OR2AT4: variants seen among roughly 807,000 people sequenced by gnomAD.
The protein encoded by OR2AT4 is olfactory receptor 2AT4.
A neutral mutation model predicts 10.3 loss-of-function variants in OR2AT4; 6 were observed. That is an observed-to-expected ratio of 0.58 (90% CI 0.32 to 1.15). The LOEUF (loss-of-function observed/expected upper bound fraction) is 1.15, where lower values mean the gene tolerates loss of function less well. Among genes scored for constraint, OR2AT4 ranks in the 50% most tolerant of loss-of-function variants. The pLI is 0.05. For synonymous variants in OR2AT4, 145 were observed against 159.1 expected (o/e 0.91, Z 0.67); for missense variants, 354 against 393.8 (o/e 0.90, Z 0.85).
At chr11:75,094,300 A>G (rs896355276) in intron 1 of OR2AT4, among the ~76,000 whole-genome samples, 8 of 151,708 alleles carry the variant, frequency 5.3e-5, no homozygotes, top group South Asian at 2.1e-4. Context: ...ATGAGGGGAG[A>G]GACTGGGGCA....
intron 1 of OR2AT4, among the ~76,000 whole-genome samples, chr11:75,092,568 T>C (rs1949325208): frequency 1.3e-5 from 2 of 152,164 alleles, no homozygotes; most frequent in Admixed American, 1.3e-4. Flanking sequence ...CCTGATCCAA[T>C]AAATTCTGCT....
intron 1 of OR2AT4, among the ~76,000 whole-genome samples, chr11:75,095,181 A>G (rs1169467012): frequency 1.3e-5 from 2 of 152,160 alleles, no homozygotes; most frequent in Non-Finnish European, 2.9e-5. Flanking sequence ...AATTCATAGC[A>G]GAAGTAGGTT....
intron 1 of OR2AT4, among the ~76,000 whole-genome samples, chr11:75,091,512 A>G (rs1175678532): frequency 2.0e-5 from 3 of 152,226 alleles, no homozygotes; most frequent in African/African-American, 4.8e-5. Flanking sequence ...AATATCCAAT[A>G]TTTGAAATTA....
At position 75,088,887 on chromosome 11, in the gene OR2AT4, T is replaced by C. The variant is rs184388727; in HGVS notation, c.827A>G (p.His276Arg). The C allele has an allele frequency of 1.2e-4, 200 of 1,613,986 alleles. 1 individual carries two copies. The East Asian group carries it at 3.6e-3, about 29-fold the overall frequency. ...GGCATATACCACATTGCCCATGATATGGAAGTCAAGGGGCAGGTCAGCCCT... is the reference window on the plus strand; with the variant it reads ...GGCATATACCACATTGCCCATGATACGGAAGTCAAGGGGCAGGTCAGCCCT... Residue 276 changes from histidine to arginine, a missense_variant, in exon 2 of 2, where the codon CAT (histidine) becomes CGT (arginine). By Grantham distance (29) the His-to-Arg change is conservative (BLOSUM62 0). Coordinates refer to ENST00000641504, the Ensembl canonical transcript of OR2AT4.
rs372825189 is a variant in OR2AT4 at position 75,094,029 on chromosome 11, G to C, written c.-652+2799C>G. On this transcript the variant is annotated intron_variant, in intron 1 of 1. Coordinates refer to ENST00000641504, the Ensembl canonical transcript of OR2AT4. ...GCAGAGACGGGGTTTCACCATGTTG[G>C]CTGGGCTTGTCTCGAACTCCTGACC... is the stretch of plus-strand genomic sequence containing the variant. 2.6e-5 allele frequency among the ~76,000 whole-genome samples: 4 copies of C among 151,564 alleles called. No homozygotes were observed. In the East Asian group the frequency reaches 5.8e-4, roughly 22 times the overall value.
At chr11:75,087,235 AT>A (rs1203821393) in exon 2 of OR2AT4, 1 of 152,246 alleles carries the variant, frequency 6.6e-6, no homozygotes, top group Admixed American at 6.5e-5. Flanking sequence ...TAAATGTATC[AT>A]GGTTATGTAA....
At chr11:75,082,428 T>C (rs1369294425) in exon 2 of OR2AT4, 1 of 151,928 alleles carries the variant, frequency 6.6e-6, no homozygotes, top group Non-Finnish European at 1.5e-5. Flanking sequence ...TTTGCACATG[T>C]ACCCTAAAAC....
chr11:75,088,881 A>G, exon 2 of OR2AT4: 1 of 1,614,000 alleles, frequency 6.2e-7, no homozygotes, highest in Non-Finnish European at 8.5e-7. Flanking sequence ...CACATTGCCC[A>G]TGATATGGAA....
Position 75,089,240 on chromosome 11 carries a change from G to A in OR2AT4, c.474C>T (p.Leu158=), listed in dbSNP as rs555691066. 17 of 1,614,216 alleles carry A rather than the reference G, an allele frequency of 1.1e-5. No homozygotes were observed. The South Asian group carries it at 1.4e-4, about 14-fold the overall frequency. Residue 158 remains leucine (L), a synonymous_variant, in exon 2 of 2, where the codon CTC becomes CTT. Coordinates refer to ENST00000641504, the Ensembl canonical transcript of OR2AT4. ...TTACTACTGCTGGGATGGGCAGGAGGAGGGCAGTTAGCCAGGCACTGGCTG... is the reference window on the plus strand; with the variant it reads ...TTACTACTGCTGGGATGGGCAGGAGAAGGGCAGTTAGCCAGGCACTGGCTG...
chr11:75,094,231 C>A (rs1389702682), intron 1 of OR2AT4, among the ~76,000 whole-genome samples: 1 of 151,890 alleles, frequency 6.6e-6, no homozygotes, highest in Admixed American at 6.6e-5. Context: ...AGGCTCTAAC[C>A]CCCAGAGCAG....
At chr11:75,096,652 G>T (rs567712025) in intron 1 of OR2AT4, among the ~76,000 whole-genome samples, 176 bp downstream of exon 1, 1 of 152,090 alleles carries the variant, frequency 6.6e-6, no homozygotes, top group Non-Finnish European at 1.5e-5. Flanking sequence ...CCCTGCCTGC[G>T]AGGGTGTCTG....
At chr11:75,088,963 G>C in exon 2 of OR2AT4, 1 of 1,614,220 alleles carries the variant, frequency 6.2e-7, no homozygotes, top group Non-Finnish European at 8.5e-7. Flanking sequence ...CCCACGACCA[G>C]AAGGTGGGAG....
Position 75,088,843 on chromosome 11 carries a change from T to A in OR2AT4, c.871A>T (p.Asn291Tyr), listed in dbSNP as rs966342253. The A allele has an allele frequency of 2.5e-6, 4 of 1,612,358 alleles. No homozygotes were observed. The African/African-American group carries it at 5.3e-5, about 22-fold the overall frequency. The change falls in exon 2 of 2, where the codon AAC becomes TAC. Residue 291 changes from asparagine (N) to tyrosine (Y), a missense_variant. Transcript: ENST00000641504. ...TTTCTCAGCGTGTAAATGAGGGGGT[T>A]GAGAATTGGTGTGAGAATGGCATAT...
chr11:75,089,299 C>T (rs1949308834), exon 2 of OR2AT4: 3 of 1,614,172 alleles, frequency 1.9e-6, no homozygotes, highest in Non-Finnish European at 2.5e-6. Flanking sequence ...TTCATGAGGA[C>T]AGGGTAGTGC....
At chr11:75,094,903 C>A (rs921101765) in intron 1 of OR2AT4, among the ~76,000 whole-genome samples, 2 of 152,194 alleles carry the variant, frequency 1.3e-5, no homozygotes, top group South Asian at 4.1e-4. Context: ...GTTAACAGAC[C>A]CAACCTGCCT....
exon 2 of OR2AT4, chr11:75,088,044 G>C (rs1949298650): frequency 6.6e-6 from 1 of 152,112 alleles, no homozygotes; most frequent in Admixed American, 6.5e-5. Context: ...CATATCAGTA[G>C]AGAGCTTCCT....
At chr11:75,093,970 G>T (rs974737873) in intron 1 of OR2AT4, among the ~76,000 whole-genome samples, 2 of 151,556 alleles carry the variant, frequency 1.3e-5, no homozygotes, top group Non-Finnish European at 2.9e-5. Context: ...TTACAGGCAT[G>T]TGCCATCATG....
intron 1 of OR2AT4, among the ~76,000 whole-genome samples, chr11:75,094,067 C>T (rs1251181746): frequency 6.6e-6 from 1 of 151,994 alleles, no homozygotes; most frequent in Non-Finnish European, 1.5e-5. Context: ...AAGTGATCCA[C>T]CTGCCTCAGC....
chr11:75,093,175 G>C (rs1565515134), intron 1 of OR2AT4, among the ~76,000 whole-genome samples: 3 of 152,230 alleles, frequency 2.0e-5, no homozygotes, highest in Non-Finnish European at 4.4e-5. Flanking sequence ...GAGAGGACTT[G>C]CTTCCAGGTT....
Sources: gnomAD v4.1 joint callset for allele counts (sites outside exome capture counted in the v4.1 genomes callset) on GRCh38, gnomAD v4.1.1 for gene constraint, MANE v1.5 for transcripts, NCBI Gene and HGNC (gene_info 2026-07-23, HGNC 2026-07-21) for gene names.